The following DLC1 variants were observed in gnomAD, a reference collection of about 807,000 sequenced individuals.
DLC1 encodes the protein DLC1 Rho GTPase activating protein.
A neutral mutation model predicts 140.3 loss-of-function variants in DLC1; 54 were observed. That is an observed-to-expected ratio of 0.38 (90% CI 0.31 to 0.48). DLC1 has a LOEUF of 0.48. DLC1 is among the 20% of genes least tolerant of loss of function. The pLI is 0.96. For synonymous variants in DLC1, 986 were observed against 728.1 expected (o/e 1.35, Z -5.70); for missense variants, 2,536 against 1,907.0 (o/e 1.33, Z -6.14).
At chr8:13,087,628 C>T (rs1284960650) in intron 16 of DLC1, among the ~76,000 whole-genome samples, 3 of 152,154 alleles carry the variant, frequency 2.0e-5, no homozygotes, top group Non-Finnish European at 4.4e-5. Context: ...AGACAGTCTC[C>T]TCTTTGAAAA....
chr8:13,313,081 G>A (rs535478701), intron 4 of DLC1, among the ~76,000 whole-genome samples: 8 of 152,260 alleles, frequency 5.3e-5, no homozygotes, highest in African/African-American at 1.7e-4. Context: ...CTTCTCACAG[G>A]ATTTCCTGGG....
chr8:13,447,551 C>T (rs1288797032), intron 2 of DLC1, among the ~76,000 whole-genome samples: 1 of 152,112 alleles, frequency 6.6e-6, no homozygotes, highest in Admixed American at 6.5e-5. Context: ...TACTTATCTA[C>T]ATCTCAATAC....
Position 13,465,113 on chromosome 8 carries a change from T to C in DLC1, c.1023+33936A>G, listed in dbSNP as rs140455838. Among the ~76,000 whole-genome samples, 14 of 152,278 alleles carry C rather than the reference T, an allele frequency of 9.2e-5. No individual in the cohort carries two copies. The East Asian group carries it at 2.3e-3, about 25-fold the overall frequency. ...TTCATATCTGTATGATATGCCATTGTATTGATATGCTACAAAGTATTTGTC... is the reference window on the plus strand; with the variant it reads ...TTCATATCTGTATGATATGCCATTGCATTGATATGCTACAAAGTATTTGTC... On this transcript the variant is annotated intron_variant, in intron 2 of 17. Coordinates refer to ENST00000276297, the MANE Select transcript of DLC1 (RefSeq NM_182643.3).
chr8:13,178,902 C>A (rs1400499315), intron 5 of DLC1, among the ~76,000 whole-genome samples: 1 of 152,046 alleles, frequency 6.6e-6, no homozygotes, highest in Non-Finnish European at 1.5e-5. Context: ...GGCAATTCTA[C>A]CAAATATACA....
intron 5 of DLC1, among the ~76,000 whole-genome samples, chr8:13,161,577 C>T (rs889981836): frequency 6.6e-6 from 1 of 152,152 alleles, no homozygotes; most frequent in East Asian, 1.9e-4. Flanking sequence ...CCTCAAACAA[C>T]CCTCCTGCTT....
chr8:13,102,284 T>A (rs996921414), intron 8 of DLC1, among the ~76,000 whole-genome samples: 2 of 152,182 alleles, frequency 1.3e-5, no homozygotes, highest in African/African-American at 4.8e-5. Context: ...ACCATTTGAC[T>A]AAACTGTGTG....
chr8:13,543,281 A>C (rs1252915688), intron 1 of DLC1, among the ~76,000 whole-genome samples: 1 of 152,152 alleles, frequency 6.6e-6, no homozygotes, highest in Non-Finnish European at 1.5e-5. Flanking sequence ...GTCTTTCGTG[A>C]AGTAGTGCCT....
chr8:13,356,015 A>C (rs1000783585), intron 4 of DLC1, among the ~76,000 whole-genome samples: 1 of 130,860 alleles, frequency 7.6e-6, no homozygotes, highest in Non-Finnish European at 1.5e-5. Flanking sequence ...GCATGAACTC[A>C]GGAGGCGGAG....
chr8:13,586,605 A>G lies in DLC1; in HGVS notation c.-126+17932T>C, dbSNP rs138968559. ...GATGCACATGCACACACACACACACACACACACACACACACACACACCTGC... is the reference window on the plus strand; with the variant it reads ...GATGCACATGCACACACACACACACGCACACACACACACACACACACCTGC... On this transcript the variant is annotated intron_variant, in intron 1 of 1. Transcript: ENST00000631382. Among the ~76,000 whole-genome samples, 566 of 151,682 alleles carry G rather than the reference A, an allele frequency of 3.7e-3. 6 individuals carry two copies. The highest frequency in any genetic ancestry group is 0.013 in the African/African-American group (540 of 41,336).
At chr8:13,253,641 C>T (rs570284966) in intron 5 of DLC1, among the ~76,000 whole-genome samples, 60 of 152,210 alleles carry the variant, frequency 3.9e-4, no homozygotes, top group Admixed American at 1.8e-3. Context: ...CTGTTTTAAC[C>T]GAAAATAGCA....
At chr8:13,245,232 C>A (rs554744743) in intron 5 of DLC1, among the ~76,000 whole-genome samples, 2 of 152,298 alleles carry the variant, frequency 1.3e-5, no homozygotes, top group Admixed American at 6.5e-5. Flanking sequence ...TCCGTTGAGG[C>A]CCCACTGGGG....
chr8:13,236,189 G>C (rs1373719728), intron 5 of DLC1, among the ~76,000 whole-genome samples: 2 of 151,968 alleles, frequency 1.3e-5, no homozygotes, highest in Non-Finnish European at 2.9e-5. Context: ...GTAAGATCAA[G>C]GAATGTATAA....
chr8:13,476,119 G>A (rs981670740), intron 2 of DLC1, among the ~76,000 whole-genome samples: 11 of 152,144 alleles, frequency 7.2e-5, no homozygotes, highest in Admixed American at 7.2e-4. Context: ...AAAGCAAAAA[G>A]CATTTTACAC....
intron 4 of DLC1, among the ~76,000 whole-genome samples, chr8:13,374,252 C>T (rs527347452): frequency 7.9e-5 from 12 of 152,234 alleles, no homozygotes; most frequent in Non-Finnish European, 1.5e-5. Context: ...CAAGCTTCGA[C>T]TTATCTTCTG....
At chr8:13,371,972 G>T (rs1356118572) in intron 4 of DLC1, among the ~76,000 whole-genome samples, 3 of 152,120 alleles carry the variant, frequency 2.0e-5, no homozygotes, top group African/African-American at 7.2e-5. Context: ...TAAAAACTGT[G>T]GCTCTATAAT....
At chr8:13,453,392 ATATATATATGTG>A (rs1238197784) in intron 2 of DLC1, among the ~76,000 whole-genome samples, 1,152 of 59,178 alleles carry the variant, frequency 0.019, 96 homozygotes, top group South Asian at 0.05. Flanking sequence ...CCCAGGATAT[ATATATATATGTG>A]TATATATATA....
At chr8:13,328,044 G>T (rs1053092215) in intron 4 of DLC1, among the ~76,000 whole-genome samples, 3 of 152,164 alleles carry the variant, frequency 2.0e-5, no homozygotes, top group African/African-American at 7.2e-5. Context: ...GAAAAGACTA[G>T]CTGGAATCTG....
chr8:13,375,817 C>G (rs1835956508), intron 4 of DLC1, among the ~76,000 whole-genome samples: 1 of 152,070 alleles, frequency 6.6e-6, no homozygotes, highest in Non-Finnish European at 1.5e-5. Flanking sequence ...AGAACATAAA[C>G]TACAGATGCC....
chr8:13,545,692 A>C (rs1186329250), intron 1 of DLC1, among the ~76,000 whole-genome samples: 1 of 152,148 alleles, frequency 6.6e-6, no homozygotes, highest in Non-Finnish European at 1.5e-5. Context: ...TGGAATCTGA[A>C]TATTAGAATT....
Sources: gnomAD v4.1 joint callset for allele counts (sites outside exome capture counted in the v4.1 genomes callset) on GRCh38, gnomAD v4.1.1 for gene constraint, MANE v1.5 for transcripts, NCBI Gene and HGNC (gene_info 2026-07-23, HGNC 2026-07-21) for gene names.